The following CACNA1I variants were observed in gnomAD, a reference collection of about 807,000 sequenced individuals.
CACNA1I encodes the protein calcium voltage-gated channel subunit alpha1 I.
In CACNA1I, 74 loss-of-function variants were observed where a neutral mutation model predicts 201.6. The ratio of observed to expected loss-of-function variants is 0.37; its 90% CI spans 0.30 to 0.45. The LOEUF (loss-of-function observed/expected upper bound fraction) is 0.45. Ranked by LOEUF, CACNA1I falls within the 20% of genes least tolerant of loss-of-function variation. CACNA1I has a pLI of 1.00. For synonymous variants in CACNA1I, 1,431 were observed against 1,345.2 expected, an observed-to-expected ratio of 1.06 and a Z score of -1.40; for missense variants, 2,346 against 3,138.1, an observed-to-expected ratio of 0.75 and a Z score of 6.03.
chr22:39,622,974 C>T (rs886198608), intron 4 of CACNA1I, among the ~76,000 whole-genome samples: 5 of 152,222 alleles, frequency 3.3e-5, no homozygotes, highest in African/African-American at 4.8e-5. Flanking sequence ...GGTGTGTGCA[C>T]GTTGCAGAGG....
intron 2 of CACNA1I, among the ~76,000 whole-genome samples, chr22:39,598,970 C>CA (rs1384834478): frequency 2.1e-5 from 1 of 47,362 alleles, no homozygotes; most frequent in African/African-American, 8.4e-5. Context: ...TTTTTTGAGA[C>CA]AGAGTCTCAC....
intron 3 of CACNA1I, among the ~76,000 whole-genome samples, chr22:39,617,875 C>T (rs936183847): frequency 1.3e-5 from 2 of 149,300 alleles, no homozygotes; most frequent in African/African-American, 5.0e-5. Context: ...TCCCCCCTCC[C>T]TCTTTCCTCC....
intron 3 of CACNA1I, among the ~76,000 whole-genome samples, chr22:39,613,436 C>T (rs909318387): frequency 2.6e-5 from 4 of 152,274 alleles, no homozygotes; most frequent in East Asian, 3.9e-4. Context: ...GATTCGTGGG[C>T]GCGTGTGAGC....
At chr22:39,670,518 A>G (rs564402324) in intron 25 of CACNA1I, among the ~76,000 whole-genome samples, 1 of 152,256 alleles carries the variant, frequency 6.6e-6, no homozygotes, top group African/African-American at 2.4e-5. Context: ...GCCATGGGAA[A>G]CCTGCCCTCC....
chr22:39,624,466 T>C (rs149190422), intron 4 of CACNA1I, among the ~76,000 whole-genome samples: 14 of 152,198 alleles, frequency 9.2e-5, no homozygotes, highest in Admixed American at 8.5e-4. Flanking sequence ...CGCTGGGCAG[T>C]TGGGGGAGTG....
chr22:39,684,893 A>T lies in CACNA1I; in HGVS notation c.6027+395A>T. On this transcript the variant is annotated intron_variant, in intron 36 of 36. Transcript: ENST00000402142. This position sits in a 1 kb window ranked among gnomAD's most constrained non-coding sequence, Gnocchi z 4.6. ...GTGAGTGGGGGCTTGATTACTAGGA[A>T]TGGAGGTGGGAGGGCGGGTCTGGTG... The T allele has an allele frequency of 5.7e-5, 18 of 314,366 alleles. No homozygotes were observed. Among genetic ancestry groups the T allele is most frequent in the East Asian group, 6.8e-5 (1 of 14,702 alleles). The allele number at this position is 314,366 out of a possible 1,614,324, so 19.5% of individuals were successfully genotyped here.
rs1205669267 is a variant in CACNA1I, at chr22:39,684,607, C to T, written c.6027+109C>T. The T allele has an allele frequency of 3.6e-5, 43 of 1,195,990 alleles. 1 individual carries two copies. In the East Asian group the frequency reaches 5.8e-4, roughly 16 times the overall value. 74.1% of individuals were successfully genotyped at this position (1,195,990 alleles called of 1,614,324 possible). A position where few individuals can be genotyped will look rare whatever the true frequency, so the allele number is the denominator to read the frequency against. The stretch of plus-strand genomic sequence containing the variant: ...GGAGGGGAAGGACCCAACCAAAGGC[C>T]GAGGGCACCACCGTGCAAGGGGGTT... On this transcript the variant is annotated intron_variant, in intron 36 of 36. Transcript: ENST00000402142. This position sits in a 1 kb window ranked among gnomAD's most constrained non-coding sequence, Gnocchi z 4.6.
At chr22:39,644,048 G>C (rs1934414091) in intron 7 of CACNA1I, among the ~76,000 whole-genome samples, 1 of 152,324 alleles carries the variant, frequency 6.6e-6, no homozygotes, top group Admixed American at 6.5e-5. Flanking sequence ...AGGAGGGATG[G>C]GGAGGTGGGA....
Position 39,664,774 on chromosome 22 carries a change from G to GTACC in CACNA1I, c.3706_3709dup (p.Arg1237ProfsTer209). On this transcript the variant is annotated frameshift_variant, in exon 21 of 37. Coordinates refer to ENST00000402142, the MANE Select transcript of CACNA1I (RefSeq NM_021096.4). LOFTEE classifies it high-confidence loss of function. ...TGGGCCTGTACTTCGGCGAGCAGGC[G>GTACC]TACCTACGCAGCAGCTGGAACGTGC... The GTACC allele has an allele frequency of 6.2e-7, 1 of 1,606,222 alleles. No homozygotes were observed.
chr22:39,636,120 A>G (rs1477368354), intron 5 of CACNA1I, among the ~76,000 whole-genome samples: 1 of 152,140 alleles, frequency 6.6e-6, no homozygotes, highest in African/African-American at 2.4e-5. Flanking sequence ...GTGTGAGTGC[A>G]TTTACCACCC....
rs1345715473 is a variant in CACNA1I, at chr22:39,686,345, G to C, written c.6612G>C (p.Pro2204=). 7.6e-7 allele frequency: 1 copy of C among 1,311,774 alleles called. No individual in the cohort carries two copies. The highest frequency in any genetic ancestry group is 9.7e-7 in the Non-Finnish European group (1 of 1,028,424). The allele number at this position is 1,311,774 out of a possible 1,614,324, so 81.3% of individuals were successfully genotyped here. A position where few individuals can be genotyped will look rare whatever the true frequency, so the allele number is the denominator to read the frequency against. ...LPMGLGPLAP[P]PQPLPGELEP... is the part of the protein sequence containing the mutation. ...TGGGCCTGGGCCCCTTGGCGCCCCC[G>C]CCGCAACCGCTCCCCGGAGAGCTGG... Residue 2204 remains proline (P), a synonymous_variant, in exon 37 of 37, where the codon CCG becomes CCC. Coordinates refer to ENST00000402142, the MANE Select transcript of CACNA1I (RefSeq NM_021096.4).
At chr22:39,593,045 C>T (rs1932840491) in intron 1 of CACNA1I, among the ~76,000 whole-genome samples, 1 of 152,228 alleles carries the variant, frequency 6.6e-6, no homozygotes, top group Non-Finnish European at 1.5e-5. Flanking sequence ...TTTCCCCGGG[C>T]ACCTCTGGGC....
chr22:39,666,125 C>A lies in CACNA1I; in HGVS notation c.4104+119C>A. On this transcript the variant is annotated intron_variant, in intron 23 of 36. Transcript: ENST00000402142. The surrounding 1 kb of genome is among the most constrained non-coding windows in gnomAD (Gnocchi z 4.1). ...AGGACTGACACTGACTTCTCCTCTC[C>A]AAGCCTCAGTTTCCTCTTCTGCAAA... 7.7e-7 allele frequency: 1 copy of A among 1,290,908 alleles called. No individual in the cohort carries two copies. Among genetic ancestry groups the A allele is most frequent in the Non-Finnish European group, 1.1e-6 (1 of 929,312 alleles). 80.0% of individuals were successfully genotyped at this position (1,290,908 alleles called of 1,614,324 possible). A position where few individuals can be genotyped will look rare whatever the true frequency, so the allele number is the denominator to read the frequency against.
chr22:39,636,267 A>G (rs541122277), intron 5 of CACNA1I, among the ~76,000 whole-genome samples: 1 of 152,300 alleles, frequency 6.6e-6, no homozygotes, highest in African/African-American at 2.4e-5. Flanking sequence ...CTCGGCTGCA[A>G]AAGGAGAGTT....
In CACNA1I at chr22:39,649,889, C is replaced by G; in HGVS notation, c.1956C>G (p.Val652=). Reference sequence around the variant, plus strand: ...GGGGCATCATGATGGCCATCCTGGTCAACACCGTCAGCATGGGCATCGAGC... The same window carrying G: ...GGGGCATCATGATGGCCATCCTGGTGAACACCGTCAGCATGGGCATCGAGC... ...FNRGIMMAIL[V]NTVSMGIEHH... is the part of the protein sequence containing the mutation. The change falls in exon 10 of 37, where the codon GTC becomes GTG. Residue 652 remains valine (V), a synonymous_variant. Coordinates refer to ENST00000402142, the MANE Select transcript of CACNA1I (RefSeq NM_021096.4). This position sits in a 1 kb window ranked among gnomAD's most constrained non-coding sequence, Gnocchi z 7.3. 6.2e-7 allele frequency: 1 copy of G among 1,613,420 alleles called. No individual in the cohort carries two copies.
intron 1 of CACNA1I, among the ~76,000 whole-genome samples, chr22:39,581,698 C>A (rs1932554509): frequency 6.6e-6 from 1 of 152,198 alleles, no homozygotes; most frequent in Admixed American, 6.5e-5. Flanking sequence ...GCCCTGCTGC[C>A]TCCCTCAAAC....
At position 39,679,433 on chromosome 22, in the gene CACNA1I, C is replaced by T; in HGVS notation, c.5382C>T (p.Tyr1794=). The T allele has an allele frequency of 8.5e-6, 12 of 1,419,606 alleles. No individual in the cohort carries two copies. The highest frequency in any genetic ancestry group is 1.1e-5 in the Non-Finnish European group (12 of 1,099,094). The allele number at this position is 1,419,606 out of a possible 1,614,324, so 87.9% of individuals were successfully genotyped here. Residue 1794 remains tyrosine, a synonymous_variant, in exon 32 of 37, where the codon TAC becomes TAT. Transcript: ENST00000402142. ...DTEGGLCRRC[Y]SPAQENLWLD... ...AGGGCGGCTTGTGCCGGCGCTGCTACTCGCCTGCCCAGGTGGGCAGGGGCT... is the reference window on the plus strand; with the variant it reads ...AGGGCGGCTTGTGCCGGCGCTGCTATTCGCCTGCCCAGGTGGGCAGGGGCT...
chr22:39,622,592 G>A (rs1398666681), intron 4 of CACNA1I, among the ~76,000 whole-genome samples: 1 of 150,580 alleles, frequency 6.6e-6, no homozygotes, highest in Non-Finnish European at 1.5e-5. Context: ...TGGCCAGAGT[G>A]CGGTGTGGGG....
rs1322632737 is a variant in CACNA1I, at chr22:39,649,805, T to A, written c.1872T>A (p.Asp624Glu). Residue 624 changes from aspartate to glutamate, a missense_variant, in exon 10 of 37, where the codon GAT becomes GAA. Physicochemically the swap from Asp to Glu is conservative, Grantham distance 45. Transcript: ENST00000402142. This position sits in a 1 kb window ranked among gnomAD's most constrained non-coding sequence, Gnocchi z 7.3. ...QADGAVWLCG[D>E]VWRETRAKLR... ...ATGGGGCGGTCTGGCTGTGCGGGGA[T>A]GTGTGGCGGGAGACGCGAGCCAAGC... The A allele has an allele frequency of 6.2e-7, 1 of 1,612,318 alleles. No homozygotes were observed.
Sources: allele counts gnomAD v4.1 joint callset (sites outside exome capture counted in the v4.1 genomes callset), GRCh38; gene constraint gnomAD v4.1.1; non-coding constraint Gnocchi (gnomAD v3.1); transcripts MANE v1.5; gene names NCBI Gene and HGNC (gene_info 2026-07-23, HGNC 2026-07-21).